Variants in ROBO1 observed in about 807,000 individuals in gnomAD.
ROBO1 encodes the protein roundabout guidance receptor 1, also known as roundabout homolog 1.
A neutral mutation model predicts 195.9 loss-of-function variants in ROBO1; 149 were observed. The observed-to-expected ratio is 0.76, with a 90% CI of 0.67 to 0.87. The LOEUF (loss-of-function observed/expected upper bound fraction) is 0.87. Among genes scored for constraint, ROBO1 ranks in the 40% least tolerant of loss-of-function variants. The probability of loss-of-function intolerance (pLI) is 0.00; values close to 1 mark genes in which losing one functional copy is unlikely to be tolerated. For synonymous variants in ROBO1, 816 were observed against 733.2 expected (o/e 1.11, Z -1.82); for missense variants, 1,933 against 2,068.3 (o/e 0.93, Z 1.27).
chr3:78,889,632 T>G (rs2036768687), intron 4 of ROBO1, among the ~76,000 whole-genome samples: 1 of 151,882 alleles, frequency 6.6e-6, no homozygotes, highest in Non-Finnish European at 1.5e-5. Flanking sequence ...ATATGGGGTT[T>G]TGATTCCTGC....
intron 1 of ROBO1, among the ~76,000 whole-genome samples, chr3:79,609,669 C>T (rs1188277501): frequency 1.3e-5 from 2 of 151,644 alleles, no homozygotes; most frequent in Non-Finnish European, 2.9e-5. Flanking sequence ...ATCGTTCAGC[C>T]TTAAAAAGAA....
At chr3:79,542,252 C>T (rs2107644933) in intron 2 of ROBO1, among the ~76,000 whole-genome samples, 1 of 152,066 alleles carries the variant, frequency 6.6e-6, no homozygotes, top group South Asian at 2.1e-4. Context: ...TGAATCTGTA[C>T]CATTATATTT....
chr3:79,324,138 G>A (rs1379297346), intron 2 of ROBO1, among the ~76,000 whole-genome samples: 1 of 152,034 alleles, frequency 6.6e-6, no homozygotes, highest in African/African-American at 2.4e-5. Flanking sequence ...CTTTCAAATT[G>A]ACCTCACACT....
intron 3 of ROBO1, among the ~76,000 whole-genome samples, chr3:79,041,464 T>C (rs1466684374): frequency 6.6e-6 from 1 of 152,114 alleles, no homozygotes; most frequent in East Asian, 1.9e-4. Context: ...ATTAGTCCTA[T>C]GTTGCAGAAA....
At chr3:79,607,602 G>GTTTTTTT (rs58634211) in intron 1 of ROBO1, among the ~76,000 whole-genome samples, 6 of 147,632 alleles carry the variant, frequency 4.1e-5, no homozygotes, top group African/African-American at 2.5e-5. Context: ...GTATTTCCAA[G>GTTTTTTT]TTTTTTTTTT....
At chr3:79,163,082 C>T (rs980242444) in intron 2 of ROBO1, among the ~76,000 whole-genome samples, 3 of 152,044 alleles carry the variant, frequency 2.0e-5, no homozygotes, top group Non-Finnish European at 4.4e-5. Flanking sequence ...GAGTTAGATA[C>T]ATTCCTAATG....
chr3:78,765,504 G>A (rs1203567957), intron 4 of ROBO1, among the ~76,000 whole-genome samples: 2 of 151,650 alleles, frequency 1.3e-5, no homozygotes. Context: ...TTTAAAACTT[G>A]AAAAAAAGAC....
intron 2 of ROBO1, among the ~76,000 whole-genome samples, chr3:79,458,926 C>G (rs142516387): frequency 2.2e-4 from 34 of 152,080 alleles, no homozygotes; most frequent in Non-Finnish European, 4.3e-4. Flanking sequence ...ACAAAACTTT[C>G]TTTACTATTA....
At chr3:79,146,434 T>G (rs1042243942) in intron 2 of ROBO1, among the ~76,000 whole-genome samples, 2 of 152,066 alleles carry the variant, frequency 1.3e-5, no homozygotes, top group Non-Finnish European at 2.9e-5. Context: ...AAAATATGTT[T>G]ATTATACTTT....
chr3:79,689,382 A>G (rs1247477568), intron 1 of ROBO1, among the ~76,000 whole-genome samples: 8 of 152,128 alleles, frequency 5.3e-5, no homozygotes, highest in Non-Finnish European at 7.4e-5. Flanking sequence ...GCCAAAATAC[A>G]TCTTATGTTT....
chr3:79,018,605 T>C (rs1195110598), intron 3 of ROBO1: 1 of 1,474,016 alleles, frequency 6.8e-7, no homozygotes, highest in Non-Finnish European at 9.1e-7. Flanking sequence ...TCAGGGCAAT[T>C]ACTCGTCGAC....
At chr3:79,676,358 A>C (rs972293698) in intron 1 of ROBO1, among the ~76,000 whole-genome samples, 3 of 152,052 alleles carry the variant, frequency 2.0e-5, no homozygotes, top group Non-Finnish European at 2.9e-5. Context: ...TCACTATCAC[A>C]GTCTTCGTGG....
chr3:78,720,290 T>G (rs557453368), intron 5 of ROBO1, among the ~76,000 whole-genome samples: 1 of 152,302 alleles, frequency 6.6e-6, no homozygotes, highest in South Asian at 2.1e-4. Context: ...AGGTGAAGAC[T>G]TTAGGTCAGA....
At chr3:79,196,389 G>A (rs2081636772) in intron 2 of ROBO1, among the ~76,000 whole-genome samples, 1 of 150,328 alleles carries the variant, frequency 6.7e-6, no homozygotes, top group African/African-American at 2.4e-5. Context: ...AAGAGAGAGA[G>A]GGAGGGAGAG....
chr3:79,216,826 T>A (rs2082062498), intron 2 of ROBO1, among the ~76,000 whole-genome samples: 1 of 152,042 alleles, frequency 6.6e-6, no homozygotes, highest in Non-Finnish European at 1.5e-5. Flanking sequence ...TTTATCTGCC[T>A]TATATCCCTT....
chr3:79,718,738 G>A (rs1167259335), intron 1 of ROBO1, among the ~76,000 whole-genome samples: 2 of 151,922 alleles, frequency 1.3e-5, no homozygotes, highest in Admixed American at 6.6e-5. Flanking sequence ...AAAATTTAAA[G>A]ATATTCTTAT....
rs548563628 is a variant in ROBO1 at position 79,214,181 on chromosome 3, TGG to T, written c.89-88644_89-88643del. The stretch of plus-strand genomic sequence containing the variant: ...AGACCATGGCAAATTGTTGTTGTTA[TGG>T]TAGAAAATTCTTGATTCAGATTTTT... On this transcript the variant is annotated intron_variant, in intron 2 of 30. Coordinates refer to ENST00000464233, the MANE Select transcript of ROBO1 (RefSeq NM_002941.4). 2.1e-4 allele frequency among the ~76,000 whole-genome samples: 32 copies of T among 152,206 alleles called. No homozygotes were observed. In the East Asian group the frequency reaches 6.2e-3, roughly 29 times the overall value.
Position 78,662,010 on chromosome 3 carries a change from T to A in ROBO1, c.2071A>T (p.Ile691Phe), listed in dbSNP as rs768656275. ...CAACTCACTGTCCAGTGCACTTCGA[T>A]GGAAGAGGAAGAAAGGACGGTGGGG... The part of the protein sequence containing the change: ...HNPTVLSSSS[I>F]EVHWTVDQQS... The change falls in exon 15 of 31, where the codon ATC (isoleucine) becomes TTC (phenylalanine). Residue 691 changes from isoleucine (I) to phenylalanine (F), a missense_variant. By Grantham distance (21) the Ile-to-Phe change is conservative. Around this residue, in one of 3 missense-constraint regions of ROBO1, gnomAD observed 1,737 missense variants for 1,882.5 expected, o/e 0.92. Coordinates refer to ENST00000464233, the MANE Select transcript of ROBO1 (RefSeq NM_002941.4). The A allele has an allele frequency of 6.2e-7, 1 of 1,607,936 alleles. No individual in the cohort carries two copies. The highest frequency in any genetic ancestry group is 2.2e-5 in the East Asian group (1 of 44,776).
At chr3:78,774,310 T>C (rs543082277) in intron 4 of ROBO1, among the ~76,000 whole-genome samples, 1 of 151,694 alleles carries the variant, frequency 6.6e-6, no homozygotes, top group South Asian at 2.1e-4. Context: ...AGATATTTGC[T>C]AAAAGTTTTT....
Sources: allele counts gnomAD v4.1 joint callset (sites outside exome capture counted in the v4.1 genomes callset), GRCh38; gene constraint gnomAD v4.1.1; regional missense constraint gnomAD v4.1.1; transcripts MANE v1.5; gene names NCBI Gene and HGNC (gene_info 2026-07-23, HGNC 2026-07-21).